HDAC9: variants seen among roughly 807,000 people sequenced by gnomAD.
The protein encoded by HDAC9 is MEF-2 interacting transcription repressor (MITR) protein.
A neutral mutation model predicts 139.4 loss-of-function variants in HDAC9; 41 were observed. That is an observed-to-expected ratio of 0.29 (90% CI 0.23 to 0.38). The LOEUF (loss-of-function observed/expected upper bound fraction) is 0.38, where lower values mean the gene tolerates loss of function less well. HDAC9 is among the 10% of genes least tolerant of loss of function. HDAC9 has a pLI of 1.00. For synonymous variants in HDAC9, 517 were observed against 476.2 expected (o/e 1.09, Z -1.12); for missense variants, 1,147 against 1,297.0 (o/e 0.88, Z 1.78).
intron 6 of HDAC9, among the ~76,000 whole-genome samples, chr7:18,615,667 T>C (rs1838376462): frequency 1.3e-5 from 2 of 152,328 alleles, no homozygotes; most frequent in South Asian, 4.1e-4. Flanking sequence ...TGATCATATA[T>C]CATTAATACT....
Position 18,959,444 on chromosome 7 carries a change from CTTTTG to C in HDAC9, c.3022+5221_3022+5225del, listed in dbSNP as rs759379476. On this transcript the variant is annotated intron_variant, in intron 24 of 25. Transcript: ENST00000686413. ...ATGATAATAATCATAACCATAGCATCTTTTGTTTTGTGGATCAAGGAAACATATAC... is the reference window on the plus strand; with the variant it reads ...ATGATAATAATCATAACCATAGCATCTTTTGTGGATCAAGGAAACATATAC... Among the ~76,000 whole-genome samples, 192 of 152,236 alleles carry C rather than the reference CTTTTG, an allele frequency of 1.3e-3. 1 individual carries two copies. Among genetic ancestry groups the C allele is most frequent in the Non-Finnish European group, 1.9e-3 (132 of 68,008 alleles).
rs779536127 is a variant in HDAC9, at chr7:18,594,052, C to G, written c.664+23C>G. On this transcript the variant is annotated intron_variant, in intron 6 of 25. Coordinates refer to ENST00000686413, the MANE Select transcript of HDAC9 (RefSeq NM_178425.4). ...CTGGTAAGTTGGTTTAACAGGAACT[C>G]TGTTTGCTCTTCTGTAACACACCTG... The G allele has an allele frequency of 2.5e-6, 4 of 1,611,074 alleles. No individual in the cohort carries two copies. In the East Asian group the frequency reaches 8.9e-5, roughly 36 times the overall value.
chr7:18,718,867 C>A (rs917511902), intron 12 of HDAC9, among the ~76,000 whole-genome samples: 1 of 152,168 alleles, frequency 6.6e-6, no homozygotes, highest in Non-Finnish European at 1.5e-5. Context: ...AAAGTGGCTG[C>A]ATCATTTTAC....
At position 18,350,992 on chromosome 7, in the gene HDAC9, A is replaced by ACC. The variant is rs1203977751; in HGVS notation, c.-42+60480_-42+60481dup. On this transcript the variant is annotated intron_variant, in intron 1 of 3. Transcript: ENST00000413509. ...AGTGCAACCTGAAATACATTTTATA[A>ACC]CCCCTGCCTAAGTTAAATGACTGTA... 3.9e-5 allele frequency among the ~76,000 whole-genome samples: 6 copies of ACC among 152,170 alleles called. No homozygotes were observed. In the East Asian group the frequency reaches 1.2e-3, roughly 29 times the overall value.
intron 2 of HDAC9, among the ~76,000 whole-genome samples, chr7:18,516,864 A>G (rs80237152): frequency 2.1e-5 from 3 of 143,388 alleles, no homozygotes; most frequent in African/African-American, 8.3e-5. Context: ...CCATTTCAGA[A>G]AAAAAAAAAA....
chr7:18,825,407 G>T (rs1300071019), intron 17 of HDAC9, among the ~76,000 whole-genome samples: 1 of 152,142 alleles, frequency 6.6e-6, no homozygotes, highest in East Asian at 1.9e-4. Context: ...GCCAAGAAAA[G>T]TCTTGTGAAA....
intron 2 of HDAC9, among the ~76,000 whole-genome samples, chr7:18,205,703 T>C (rs1192833513): frequency 6.6e-6 from 1 of 152,126 alleles, no homozygotes; most frequent in Non-Finnish European, 1.5e-5. Flanking sequence ...TTATTGTCTG[T>C]TTCATCTTTT....
At position 18,999,989 on chromosome 7, in the gene HDAC9, G is replaced by A. The variant is rs183370642; in HGVS notation, c.*3927G>A. On this transcript the variant is annotated 3_prime_UTR_variant, in exon 26 of 26. Coordinates refer to ENST00000686413, the MANE Select transcript of HDAC9 (RefSeq NM_178425.4). ...ATCTTAACATTCTTTTCCTGCTTCAGGAATGAAATCACTTGTCCTGCTGAG... is the reference window on the plus strand; with the variant it reads ...ATCTTAACATTCTTTTCCTGCTTCAAGAATGAAATCACTTGTCCTGCTGAG... The A allele has an allele frequency of 2.8e-4, 43 of 152,180 alleles. No homozygotes were observed. Among genetic ancestry groups the A allele is most frequent in the Admixed American group, 1.8e-3 (27 of 15,290 alleles). The allele number at this position is 152,180 out of a possible 1,614,324, so 9.4% of individuals were successfully genotyped here. A position where few individuals can be genotyped will look rare whatever the true frequency, so the allele number is the denominator to read the frequency against.
intron 1 of HDAC9, among the ~76,000 whole-genome samples, chr7:18,131,966 T>G (rs1490824829): frequency 6.6e-6 from 1 of 152,200 alleles, no homozygotes; most frequent in East Asian, 1.9e-4. Context: ...AGAGCTATTT[T>G]AGCTAATGGC....
chr7:18,929,910 G>T (rs1251961230), intron 22 of HDAC9, among the ~76,000 whole-genome samples: 2 of 151,688 alleles, frequency 1.3e-5, no homozygotes, highest in African/African-American at 4.8e-5. Context: ...CTGCACTCTA[G>T]CCCAGGTGAC....
intron 1 of HDAC9, among the ~76,000 whole-genome samples, chr7:18,415,633 G>T (rs1167560926): frequency 6.6e-6 from 1 of 151,956 alleles, no homozygotes; most frequent in Non-Finnish European, 1.5e-5. Context: ...GCTGGTTTTT[G>T]TTTTTTAAAA....
intron 1 of HDAC9, among the ~76,000 whole-genome samples, chr7:18,444,717 G>T (rs1239657829): frequency 6.6e-6 from 1 of 152,126 alleles, no homozygotes; most frequent in Non-Finnish European, 1.5e-5. Context: ...ATAAAAAAGT[G>T]CCAATGTTAA....
At chr7:18,458,554 T>C (rs776545188) in intron 1 of HDAC9, among the ~76,000 whole-genome samples, 2 of 152,234 alleles carry the variant, frequency 1.3e-5, no homozygotes, top group Non-Finnish European at 2.9e-5. Context: ...TTCACAAAGA[T>C]TGAATTTATT....
At chr7:18,721,472 G>A (rs994279804) in intron 12 of HDAC9, among the ~76,000 whole-genome samples, 6 of 151,874 alleles carry the variant, frequency 4.0e-5, no homozygotes, top group African/African-American at 1.2e-4. Context: ...TGTACTAAAT[G>A]TTCGTGAATT....
rs1358807764 is a variant in HDAC9, at chr7:18,495,848, A to G, written c.-217A>G. On this transcript the variant is annotated 5_prime_UTR_variant, in exon 1 of 26. Transcript: ENST00000686413. ...AAACCCTAGCAGCCTGAAGAACTCT[A>G]AGCCAGGTTTAATTGGTTTCTTTTT... 9.5e-7 allele frequency: 1 copy of G among 1,053,444 alleles called. No individual in the cohort carries two copies. Among genetic ancestry groups the G allele is most frequent in the Non-Finnish European group, 1.1e-6 (1 of 874,806 alleles). The allele number at this position is 1,053,444 out of a possible 1,614,324, so 65.3% of individuals were successfully genotyped here.
At chr7:18,265,234 A>G (rs949119176) in intron 2 of HDAC9, among the ~76,000 whole-genome samples, 3 of 152,200 alleles carry the variant, frequency 2.0e-5, no homozygotes, top group South Asian at 2.1e-4. Flanking sequence ...GAGTGTTTCA[A>G]TTGAATTGAT....
At chr7:18,872,341 A>C (rs1798985430) in intron 21 of HDAC9, among the ~76,000 whole-genome samples, 1 of 152,144 alleles carries the variant, frequency 6.6e-6, no homozygotes, top group Non-Finnish European at 1.5e-5. Context: ...TACGTAGCAA[A>C]TGTGCAATTT....
intron 13 of HDAC9, among the ~76,000 whole-genome samples, chr7:18,744,000 C>T (rs1260568491): frequency 7.1e-6 from 1 of 140,886 alleles, no homozygotes; most frequent in African/African-American, 2.6e-5. Context: ...TTACATCTCA[C>T]TTTTACTACT....
At chr7:18,164,942 G>A (rs1210102935) in intron 2 of HDAC9, among the ~76,000 whole-genome samples, 2 of 152,144 alleles carry the variant, frequency 1.3e-5, no homozygotes, top group African/African-American at 2.4e-5. Flanking sequence ...GCCAGCCAGT[G>A]TGTTACCCAA....
Sources: allele counts gnomAD v4.1 joint callset (sites outside exome capture counted in the v4.1 genomes callset), GRCh38; gene constraint gnomAD v4.1.1; transcripts MANE v1.5; gene names NCBI Gene and HGNC (gene_info 2026-07-23, HGNC 2026-07-21).